The following PLD5 variants were observed in gnomAD, a reference collection of about 807,000 sequenced individuals.
PLD5 encodes the protein inactive phospholipase D5.
Under a neutral mutation model 61.1 loss-of-function variants are expected in PLD5, and 36 were observed. The observed-to-expected ratio is 0.59, with a 90% CI of 0.45 to 0.78. The LOEUF (loss-of-function observed/expected upper bound fraction) is 0.78. PLD5 is among the 30% of genes least tolerant of loss of function. The pLI is 0.00. For missense variants in PLD5, 515 were observed against 644.4 expected (o/e 0.80, Z 2.17); for synonymous variants, 243 against 242.8 (o/e 1.00, Z -0.01).
chr1:242,207,908 A>T (rs1326778897), intron 5 of PLD5, among the ~76,000 whole-genome samples: 1 of 46,570 alleles, frequency 2.1e-5, no homozygotes, highest in African/African-American at 9.1e-5. Flanking sequence ...ATATATTTAT[A>T]TATATTTATA....
At chr1:242,125,798 C>T (rs1224240255) in intron 5 of PLD5, among the ~76,000 whole-genome samples, 4 of 152,072 alleles carry the variant, frequency 2.6e-5, no homozygotes, top group Non-Finnish European at 4.4e-5. Context: ...GAACCTGTCT[C>T]TCTTTGCTCC....
chr1:242,149,202 A>G (rs1258992013), intron 5 of PLD5, among the ~76,000 whole-genome samples: 1 of 151,956 alleles, frequency 6.6e-6, no homozygotes, highest in African/African-American at 2.4e-5. Context: ...TGAGAATACC[A>G]GAAATGAATG....
At chr1:242,150,975 A>G (rs947625661) in intron 5 of PLD5, among the ~76,000 whole-genome samples, 6 of 151,464 alleles carry the variant, frequency 4.0e-5, no homozygotes, top group Admixed American at 1.3e-4. Flanking sequence ...TAAAATTTTT[A>G]GTGGTTTGAG....
chr1:242,180,998 A>C (rs541649879), intron 5 of PLD5, among the ~76,000 whole-genome samples: 28 of 152,112 alleles, frequency 1.8e-4, no homozygotes, highest in African/African-American at 6.5e-4. Context: ...ACAAACAAAC[A>C]AACAAACAAA....
intron 5 of PLD5, among the ~76,000 whole-genome samples, chr1:242,124,953 C>T (rs943216713): frequency 1.3e-5 from 2 of 151,828 alleles, no homozygotes; most frequent in Non-Finnish European, 2.9e-5. Flanking sequence ...GATTTGTTTC[C>T]TTAACACTTT....
At chr1:242,501,768 A>G (rs961436511) in intron 1 of PLD5, among the ~76,000 whole-genome samples, 6 of 133,832 alleles carry the variant, frequency 4.5e-5, no homozygotes, top group Admixed American at 4.1e-4. Context: ...TCAATCTAAA[A>G]TTAAGATATA....
intron 2 of PLD5, among the ~76,000 whole-genome samples, chr1:242,347,704 T>G (rs1177837866): frequency 6.6e-6 from 1 of 152,214 alleles, no homozygotes. Context: ...TCCCTAACGT[T>G]AAGTTGGAAT....
chr1:242,397,887 T>A (rs1268998661), intron 1 of PLD5, among the ~76,000 whole-genome samples: 1 of 151,892 alleles, frequency 6.6e-6, no homozygotes, highest in Non-Finnish European at 1.5e-5. Context: ...CATTGGAAAG[T>A]ATAAGCCAGT....
chr1:242,274,097 T>C (rs1674269978), intron 3 of PLD5, among the ~76,000 whole-genome samples: 1 of 152,244 alleles, frequency 6.6e-6, no homozygotes, highest in African/African-American at 2.4e-5. Context: ...ACAAGCCAGC[T>C]ATATAAAAGT....
At chr1:242,311,843 T>C (rs1173695220) in intron 2 of PLD5, among the ~76,000 whole-genome samples, 2 of 152,198 alleles carry the variant, frequency 1.3e-5, no homozygotes, top group African/African-American at 4.8e-5. Context: ...ATAATGCATA[T>C]GTAGGTCCAC....
rs184395107 is a variant in PLD5 at position 242,402,859 on chromosome 1, A to T, written c.190-54617T>A. ...ACTAAAAAGCTTATAATAATTGGCA[A>T]ATAGATATAGAATCCTTTAAGAACC... On this transcript the variant is annotated intron_variant, in intron 1 of 9. Coordinates refer to ENST00000536534, the MANE Select transcript of PLD5 (RefSeq NM_001372062.1). Among the ~76,000 whole-genome samples, 8 of 152,366 alleles carry T rather than the reference A, an allele frequency of 5.3e-5. No homozygotes were observed. The East Asian group carries it at 1.5e-3, about 29-fold the overall frequency.
intron 5 of PLD5, among the ~76,000 whole-genome samples, chr1:242,162,172 A>G (rs968740789): frequency 2.0e-5 from 3 of 152,206 alleles, no homozygotes; most frequent in Admixed American, 6.5e-5. Context: ...GAAACTTCCA[A>G]TTAAAATGTC....
intron 1 of PLD5, among the ~76,000 whole-genome samples, chr1:242,506,803 A>C (rs986421949): frequency 2.0e-5 from 3 of 152,222 alleles, no homozygotes; most frequent in African/African-American, 7.2e-5. Context: ...CAGTCCAGTA[A>C]AGTGGCGTAG....
chr1:242,463,282 C>A (rs1288542921), intron 1 of PLD5, among the ~76,000 whole-genome samples: 2 of 152,152 alleles, frequency 1.3e-5, no homozygotes, highest in Non-Finnish European at 2.9e-5. Context: ...CTTGTCCATG[C>A]TCTCTATGCC....
intron 5 of PLD5, among the ~76,000 whole-genome samples, chr1:242,156,777 C>A (rs950381841): frequency 6.6e-6 from 1 of 152,060 alleles, no homozygotes; most frequent in African/African-American, 2.4e-5. Flanking sequence ...CTCTGGCTGC[C>A]CTTAACATTT....
intron 5 of PLD5, among the ~76,000 whole-genome samples, chr1:242,167,623 C>A (rs569083942): frequency 1.3e-5 from 2 of 152,262 alleles, no homozygotes; most frequent in South Asian, 4.2e-4. Flanking sequence ...AAAGTTCTAA[C>A]TATTTCACAT....
intron 2 of PLD5, among the ~76,000 whole-genome samples, chr1:242,301,765 C>CTATTATTATTATTATT (rs113800799): frequency 1.6e-4 from 23 of 141,036 alleles, no homozygotes; most frequent in African/African-American, 5.6e-4. Flanking sequence ...TTTTTTAAAA[C>CTATTATTATTATTATT]ATTATTATTA....
At chr1:242,296,542 T>A (rs1398674414) in intron 2 of PLD5, among the ~76,000 whole-genome samples, 1 of 152,216 alleles carries the variant, frequency 6.6e-6, no homozygotes, top group African/African-American at 2.4e-5. Context: ...GCAGATTCAC[T>A]GACCACCTCT....
At chr1:242,127,930 G>A (rs1456101631) in intron 5 of PLD5, among the ~76,000 whole-genome samples, 1 of 152,182 alleles carries the variant, frequency 6.6e-6, no homozygotes, top group Non-Finnish European at 1.5e-5. Flanking sequence ...AGTGGCCATA[G>A]TTCACTTTTA....
Sources: gnomAD v4.1 joint callset for allele counts (sites outside exome capture counted in the v4.1 genomes callset) on GRCh38, gnomAD v4.1.1 for gene constraint, MANE v1.5 for transcripts, NCBI Gene and HGNC (gene_info 2026-07-23, HGNC 2026-07-21) for gene names.